Variants in MSRA observed in about 807,000 individuals in gnomAD.
MSRA encodes the protein methionine sulfoxide reductase A.
Under a neutral mutation model 31.3 loss-of-function variants are expected in MSRA, and 54 were observed. The ratio of observed to expected loss-of-function variants is 1.73; its 90% CI spans 1.39 to 2.17. MSRA has a LOEUF of 2.17. Ranked by LOEUF, MSRA falls within the 30% of genes most tolerant of loss-of-function variation. The pLI is 0.00. For synonymous variants in MSRA, 169 were observed against 116.5 expected (o/e 1.45, Z -2.90); for missense variants, 507 against 300.9 (o/e 1.69, Z -5.07).
intron 5 of MSRA, among the ~76,000 whole-genome samples, chr8:10,362,460 G>GC (rs1418816096): frequency 1.1e-4 from 6 of 52,354 alleles, no homozygotes; most frequent in Non-Finnish European, 1.8e-4. Flanking sequence ...CATACCATAA[G>GC]CAAAAAAAAA....
At chr8:10,111,745 T>A (rs1019216262) in intron 1 of MSRA, among the ~76,000 whole-genome samples, 4 of 152,212 alleles carry the variant, frequency 2.6e-5, no homozygotes, top group African/African-American at 7.2e-5. Flanking sequence ...AGATTGAATA[T>A]CAGTTTTTAG....
chr8:10,126,742 G>C (rs1450140011), intron 1 of MSRA, among the ~76,000 whole-genome samples: 1 of 152,210 alleles, frequency 6.6e-6, no homozygotes, highest in African/African-American at 2.4e-5. Context: ...TCAAACTCCT[G>C]AGCTCAAGTG....
intron 2 of MSRA, among the ~76,000 whole-genome samples, chr8:10,222,755 C>T (rs572938365): frequency 6.6e-5 from 10 of 152,100 alleles, no homozygotes; most frequent in Non-Finnish European, 1.3e-4. Flanking sequence ...AAATAGTGCG[C>T]GATCTCACTT....
chr8:10,388,406 C>T (rs914679171), intron 5 of MSRA, among the ~76,000 whole-genome samples: 2 of 152,194 alleles, frequency 1.3e-5, no homozygotes, highest in East Asian at 1.9e-4. Context: ...ATTTCCCTTA[C>T]GAAAGGGTAA....
At chr8:10,281,980 G>T (rs192189927) in intron 3 of MSRA, among the ~76,000 whole-genome samples, 49 of 152,216 alleles carry the variant, frequency 3.2e-4, no homozygotes, top group African/African-American at 1.1e-3. Flanking sequence ...GTGTTCTTTC[G>T]AAGGTGGAGG....
chr8:10,271,714 T>A (rs1164090091), intron 3 of MSRA, among the ~76,000 whole-genome samples: 1 of 124,532 alleles, frequency 8.0e-6, no homozygotes, highest in African/African-American at 3.0e-5. Context: ...TTTCCATGGG[T>A]AGTCTTTTTT....
chr8:10,344,104 G>A (rs1003838221), intron 5 of MSRA, among the ~76,000 whole-genome samples: 1 of 152,180 alleles, frequency 6.6e-6, no homozygotes, highest in Non-Finnish European at 1.5e-5. Flanking sequence ...TCTCCCTCTT[G>A]CTAAGGAAGT....
chr8:10,423,896 A>C (rs1271349231), intron 5 of MSRA, among the ~76,000 whole-genome samples: 2 of 151,978 alleles, frequency 1.3e-5, no homozygotes. Flanking sequence ...CCAAGAATCC[A>C]TAGTTCATTT....
intron 1 of MSRA, among the ~76,000 whole-genome samples, chr8:10,139,750 T>G (rs1188588420): frequency 6.6e-6 from 1 of 152,258 alleles, no homozygotes. Context: ...ACACCACATT[T>G]TCTTTATCCA....
chr8:10,419,774 C>G (rs1264324859), intron 5 of MSRA, among the ~76,000 whole-genome samples: 1 of 152,178 alleles, frequency 6.6e-6, no homozygotes. Flanking sequence ...AAGTCTAGCT[C>G]TCTTGCCATC....
chr8:10,308,303 T>C (rs545633339), intron 4 of MSRA, among the ~76,000 whole-genome samples: 8 of 152,216 alleles, frequency 5.3e-5, no homozygotes, highest in Non-Finnish European at 1.2e-4. Flanking sequence ...AGTGTTCCCT[T>C]AATTAAAACG....
intron 5 of MSRA, among the ~76,000 whole-genome samples, chr8:10,342,521 G>C (rs1339483408): frequency 1.3e-5 from 2 of 152,164 alleles, no homozygotes; most frequent in Non-Finnish European, 2.9e-5. Context: ...GGGGGCCTCT[G>C]AGCCGCACGG....
intron 1 of MSRA, among the ~76,000 whole-genome samples, chr8:10,070,178 T>C (rs1048350663): frequency 6.6e-6 from 1 of 152,216 alleles, no homozygotes; most frequent in African/African-American, 2.4e-5. Flanking sequence ...CCCACCTTTC[T>C]ATCAAGGGAG....
intron 1 of MSRA, among the ~76,000 whole-genome samples, chr8:10,206,773 G>A (rs1809020622): frequency 6.6e-6 from 1 of 152,200 alleles, no homozygotes; most frequent in Admixed American, 6.5e-5. Context: ...CACTCCTGCA[G>A]AACCCTCCGT....
intron 1 of MSRA, among the ~76,000 whole-genome samples, chr8:10,088,336 A>G (rs1206900143): frequency 2.6e-5 from 4 of 152,236 alleles, no homozygotes; most frequent in Admixed American, 6.5e-5. Context: ...TTCTGGGAAT[A>G]TAGCTAAAGG....
At chr8:10,208,497 C>G (rs1395889987) in intron 2 of MSRA, among the ~76,000 whole-genome samples, 1 of 152,176 alleles carries the variant, frequency 6.6e-6, no homozygotes, top group African/African-American at 2.4e-5. Flanking sequence ...TTCCTTCCCT[C>G]CATGCCTCAT....
chr8:10,218,105 G>A (rs1483257139), intron 2 of MSRA, among the ~76,000 whole-genome samples: 1 of 148,750 alleles, frequency 6.7e-6, no homozygotes, highest in African/African-American at 2.5e-5. Context: ...TTAACACCCG[G>A]TTCCTTTTCT....
intron 1 of MSRA, among the ~76,000 whole-genome samples, chr8:10,159,363 G>T (rs1389207756): frequency 1.3e-5 from 2 of 152,186 alleles, no homozygotes; most frequent in Non-Finnish European, 2.9e-5. Context: ...ATCAGGAGTG[G>T]TCTCTGGGCT....
intron 5 of MSRA, among the ~76,000 whole-genome samples, chr8:10,415,455 C>T (rs1808400072): frequency 1.3e-5 from 2 of 152,174 alleles, no homozygotes; most frequent in South Asian, 4.1e-4. Flanking sequence ...GTGGTTCCTT[C>T]AGTCTCCTGA....
Sources: allele counts gnomAD v4.1 joint callset (sites outside exome capture counted in the v4.1 genomes callset), GRCh38; gene constraint gnomAD v4.1.1; transcripts MANE v1.5; gene names NCBI Gene and HGNC (gene_info 2026-07-23, HGNC 2026-07-21).